The following STXBP4 variants were observed in gnomAD, a reference collection of about 807,000 sequenced individuals.
STXBP4 encodes syntaxin-binding protein 4.
In STXBP4, 55 loss-of-function variants were observed where a neutral mutation model predicts 76.1. The observed-to-expected ratio is 0.72, with a 90% CI of 0.58 to 0.91. The LOEUF (loss-of-function observed/expected upper bound fraction) is 0.91. STXBP4 is among the 40% of genes least tolerant of loss of function. The pLI, the probability that STXBP4 is intolerant of heterozygous loss-of-function variation, is 0.00. For synonymous variants in STXBP4, 201 were observed against 220.2 expected (o/e 0.91, Z 0.77); for missense variants, 618 against 636.9 (o/e 0.97, Z 0.32).
chr17:55,185,237 CT>C, the STXBP4 span, among the ~76,000 whole-genome samples: 4 of 50,180 alleles, frequency 8.0e-5, no homozygotes, highest in African/African-American at 2.0e-4. Flanking sequence ...TCTTCTTCTT[CT>C]TCTTCTTCTT....
At chr17:55,052,915 ACGTGT>A (rs2078876763) in intron 12 of STXBP4, among the ~76,000 whole-genome samples, 1 of 66,068 alleles carries the variant, frequency 1.5e-5, no homozygotes, top group African/African-American at 8.7e-5. Flanking sequence ...GACGTGTATG[ACGTGT>A]GTGTGTGTGT....
intron 15 of STXBP4, among the ~76,000 whole-genome samples, chr17:55,080,457 A>G (rs1002893109): frequency 2.0e-5 from 3 of 152,108 alleles, no homozygotes; most frequent in Non-Finnish European, 4.4e-5. Context: ...TTTTTTTTCA[A>G]GTAAGTTTTA....
intron 8 of STXBP4, among the ~76,000 whole-genome samples, chr17:55,008,084 G>A (rs1473847672): frequency 2.0e-5 from 3 of 152,042 alleles, no homozygotes; most frequent in Non-Finnish European, 1.5e-5. Flanking sequence ...TAGTCCTGGG[G>A]AAAGTGGAAC....
At chr17:55,043,532 C>T (rs1400093090) in intron 11 of STXBP4, 4 of 1,225,026 alleles carry the variant, frequency 3.3e-6, no homozygotes, top group Non-Finnish European at 3.5e-6. Flanking sequence ...AATATCTGTG[C>T]AACATTTAGT....
At chr17:55,026,016 G>T (rs187054828) in intron 8 of STXBP4, among the ~76,000 whole-genome samples, 18 of 152,096 alleles carry the variant, frequency 1.2e-4, no homozygotes, top group Admixed American at 9.2e-4. Flanking sequence ...TTTTACAATA[G>T]CATCTAAAAG....
rs190693281 is a variant in STXBP4 at position 55,132,115 on chromosome 17, G to T, written c.1490-9195G>T. ...TCATCTCTGTAACCCATAAGGAAAA[G>T]AAGAATATCAACTCTTGGGGAAAAT... On this transcript the variant is annotated intron_variant, in intron 16 of 17. Coordinates refer to ENST00000376352, the MANE Select transcript of STXBP4 (RefSeq NM_178509.6). Among the ~76,000 whole-genome samples the T allele has an allele frequency of 1.6e-4, 24 of 152,292 alleles. No individual in the cohort carries two copies. In the East Asian group the frequency reaches 3.3e-3, roughly 21 times the overall value.
intron 10 of STXBP4, among the ~76,000 whole-genome samples, chr17:55,041,793 A>G (rs1013654707): frequency 2.6e-5 from 4 of 152,260 alleles, no homozygotes; most frequent in East Asian, 3.9e-4. Flanking sequence ...TGGAAGCCAT[A>G]CAGGAAATAA....
Position 54,990,885 on chromosome 17 carries a change from A to G in STXBP4, c.108A>G (p.Leu36=), listed in dbSNP as rs1416614251. The change falls in exon 4 of 18, where the codon CTA becomes CTG. Residue 36 remains leucine, a synonymous_variant. Transcript: ENST00000376352. ...AAACAGGCCTTGGCCTGAAGGTACT[A>G]GGAGGAATTAACCGGAATGAAGGCC... ...AKETGLGLKV[L]GGINRNEGPL... is the part of the protein sequence containing the mutation. 1 of 1,605,124 alleles carries G rather than the reference A, an allele frequency of 6.2e-7. No homozygotes were observed. Among genetic ancestry groups the G allele is most frequent in the African/African-American group, 1.3e-5 (1 of 74,194 alleles).
intron 16 of STXBP4, among the ~76,000 whole-genome samples, chr17:55,093,525 C>A (rs762851999): frequency 3.9e-5 from 6 of 152,036 alleles, no homozygotes; most frequent in Non-Finnish European, 5.9e-5. Context: ...CAGATAATAA[C>A]CACAACAAAT....
chr17:55,071,996 C>T (rs898816774), intron 12 of STXBP4, among the ~76,000 whole-genome samples: 2 of 152,166 alleles, frequency 1.3e-5, no homozygotes, highest in African/African-American at 4.8e-5. Context: ...TACCAAGGTA[C>T]ATTTTTTTCC....
intron 16 of STXBP4, among the ~76,000 whole-genome samples, chr17:55,129,366 A>G (rs936283936): frequency 6.6e-6 from 1 of 151,780 alleles, no homozygotes; most frequent in Non-Finnish European, 1.5e-5. Context: ...ATAGAAAACT[A>G]TTTTTTTAAT....
At chr17:55,099,189 T>C (rs1218097015) in intron 16 of STXBP4, among the ~76,000 whole-genome samples, 1 of 152,228 alleles carries the variant, frequency 6.6e-6, no homozygotes, top group African/African-American at 2.4e-5. Flanking sequence ...ATTCAGCTTT[T>C]TTGGAGCGCA....
At position 55,007,610 on chromosome 17, in the gene STXBP4, A is replaced by G. The variant is rs749137389; in HGVS notation, c.666+13A>G. ...GAAACTGGAAATGGTAAAACCTTTAAATTTTCATTTTTCTTCCATAAGACA... is the reference window on the plus strand; with the variant it reads ...GAAACTGGAAATGGTAAAACCTTTAGATTTTCATTTTTCTTCCATAAGACA... On this transcript the variant is annotated intron_variant, in intron 8 of 17. Transcript: ENST00000376352. 1 of 1,588,786 alleles carries G rather than the reference A, an allele frequency of 6.3e-7. No homozygotes were observed. Among genetic ancestry groups the G allele is most frequent in the East Asian group, 2.3e-5 (1 of 44,226 alleles).
chr17:55,000,055 T>C (rs1000681598), intron 6 of STXBP4, among the ~76,000 whole-genome samples: 1 of 152,190 alleles, frequency 6.6e-6, no homozygotes, highest in African/African-American at 2.4e-5. Context: ...GCATGATTGG[T>C]TAGAAAATAC....
At chr17:55,062,641 A>G (rs2059472640) in intron 12 of STXBP4, among the ~76,000 whole-genome samples, 1 of 152,142 alleles carries the variant, frequency 6.6e-6, no homozygotes, top group South Asian at 2.1e-4. Flanking sequence ...GTCAAATGGT[A>G]TTTCTGGTTC....
chr17:55,211,216 A>G, the STXBP4 span, among the ~76,000 whole-genome samples: 15 of 151,888 alleles, frequency 9.9e-5, no homozygotes, highest in Admixed American at 9.9e-4. Context: ...ATGTGTGTCC[A>G]CTGCAAATTT....
chr17:55,003,611 T>C (rs1400480094), intron 7 of STXBP4, among the ~76,000 whole-genome samples: 2 of 152,150 alleles, frequency 1.3e-5, no homozygotes, highest in Non-Finnish European at 2.9e-5. Context: ...ACAAAAAATA[T>C]AAACAAATTT....
rs9903297 is a variant in STXBP4 at position 55,017,784 on chromosome 17, C to T, written c.666+10187C>T. On this transcript the variant is annotated intron_variant, in intron 8 of 17. Coordinates refer to ENST00000376352, the MANE Select transcript of STXBP4 (RefSeq NM_178509.6). ...AGCTGGTTCTAGGCAGACGAATGCTCCCAACCCAGAAGGGTTGGGAGTTGT... is the reference window on the plus strand; with the variant it reads ...AGCTGGTTCTAGGCAGACGAATGCTTCCAACCCAGAAGGGTTGGGAGTTGT... Among the ~76,000 whole-genome samples, 630 of 152,228 alleles carry T rather than the reference C, an allele frequency of 4.1e-3. 10 individuals carry two copies. Among genetic ancestry groups the T allele is most frequent in the African/African-American group, 0.014 (568 of 41,526 alleles).
chr17:54,991,389 C>G (rs2077714697), intron 4 of STXBP4: 1 of 152,168 alleles, frequency 6.6e-6, no homozygotes, highest in Non-Finnish European at 1.5e-5. Context: ...ATTCGCAGTT[C>G]TTGTAGCTTG....
Sources: gnomAD v4.1 joint callset for allele counts (sites outside exome capture counted in the v4.1 genomes callset) on GRCh38, gnomAD v4.1.1 for gene constraint, MANE v1.5 for transcripts, NCBI Gene and HGNC (gene_info 2026-07-23, HGNC 2026-07-21) for gene names.